Variants in SH3RF3 observed in about 807,000 individuals in gnomAD.
The protein encoded by SH3RF3 is E3 ubiquitin-protein ligase SH3RF3.
A neutral mutation model predicts 66.3 loss-of-function variants in SH3RF3; 29 were observed. That is an observed-to-expected ratio of 0.44 (90% CI 0.33 to 0.60). The LOEUF is 0.60. Ranked by LOEUF, SH3RF3 falls within the 20% of genes least tolerant of loss-of-function variation. The pLI, the probability that SH3RF3 is intolerant of heterozygous loss-of-function variation, is 0.04. For missense variants in SH3RF3, 1,194 were observed against 1,190.9 expected (o/e 1.00, Z -0.04); for synonymous variants, 583 against 532.0 (o/e 1.10, Z -1.32).
intron 3 of SH3RF3, among the ~76,000 whole-genome samples, chr2:109,379,660 C>T (rs1368344168): frequency 2.0e-5 from 3 of 152,262 alleles, no homozygotes; most frequent in Admixed American, 6.5e-5. Context: ...AAGCTCCTGC[C>T]GCAGCGACAG....
At chr2:109,265,770 A>G (rs1680475037) in intron 1 of SH3RF3, among the ~76,000 whole-genome samples, 1 of 152,198 alleles carries the variant, frequency 6.6e-6, no homozygotes, top group Non-Finnish European at 1.5e-5. Context: ...AAAAAAAGAG[A>G]TTGGCACATA....
At chr2:109,264,504 C>G (rs544582647) in intron 1 of SH3RF3, among the ~76,000 whole-genome samples, 1 of 152,224 alleles carries the variant, frequency 6.6e-6, no homozygotes, top group East Asian at 1.9e-4. Context: ...TAGAGGTGCT[C>G]GATAGATAGA....
intron 2 of SH3RF3, among the ~76,000 whole-genome samples, chr2:109,364,679 C>T (rs943049570): frequency 2.6e-5 from 4 of 152,186 alleles, no homozygotes; most frequent in African/African-American, 7.2e-5. Flanking sequence ...GTGCCCCTGG[C>T]CTGTGAACTT....
At chr2:109,412,423 G>T (rs2104492039) in intron 4 of SH3RF3, among the ~76,000 whole-genome samples, 1 of 152,352 alleles carries the variant, frequency 6.6e-6, no homozygotes. Context: ...GGACAGCTTG[G>T]CTGTTTCTGG....
Position 109,170,242 on chromosome 2 carries a change from CTTT to C in SH3RF3, c.573+40131_573+40133del, listed in dbSNP as rs1558938105. Among the ~76,000 whole-genome samples, 4 of 9,788 alleles carry C rather than the reference CTTT, an allele frequency of 4.1e-4. No individual in the cohort carries two copies. The East Asian group carries it at 0.01, about 25-fold the overall frequency. 6.4% of individuals were successfully genotyped at this position (9,788 alleles called of 152,430 possible). On this transcript the variant is annotated intron_variant, in intron 1 of 9. Transcript: ENST00000309415. Reference sequence around the variant, plus strand: ...TTTTTCTCTTCTCTTCTCTTCTTTTCTTTTCTCTTCTCTTCTCTTCTCTTCTCT... The same window carrying C: ...TTTTTCTCTTCTCTTCTCTTCTTTTCTCTCTTCTCTTCTCTTCTCTTCTCT...
At chr2:109,356,561 C>T (rs2105604185) in intron 2 of SH3RF3, among the ~76,000 whole-genome samples, 1 of 152,362 alleles carries the variant, frequency 6.6e-6, no homozygotes, top group South Asian at 2.1e-4. Flanking sequence ...GCCCCCTCCT[C>T]CTCCTTGGGA....
intron 9 of SH3RF3, among the ~76,000 whole-genome samples, chr2:109,500,138 G>A (rs1415883009): frequency 6.6e-6 from 1 of 152,198 alleles, no homozygotes; most frequent in African/African-American, 2.4e-5. Context: ...AGGTTTCTCA[G>A]GCAGGCACTT....
chr2:109,204,552 A>C (rs1678762020), intron 1 of SH3RF3, among the ~76,000 whole-genome samples: 1 of 152,168 alleles, frequency 6.6e-6, no homozygotes, highest in Non-Finnish European at 1.5e-5. Flanking sequence ...TACAATGTAC[A>C]CATAAATGGG....
chr2:109,221,581 C>CAAAA (rs60310731), intron 1 of SH3RF3, among the ~76,000 whole-genome samples: 6 of 63,326 alleles, frequency 9.5e-5, no homozygotes, highest in Non-Finnish European at 2.0e-4. Flanking sequence ...GACTCCATCT[C>CAAAA]AAAAAAAAAA....
intron 1 of SH3RF3, among the ~76,000 whole-genome samples, chr2:109,240,912 G>A (rs1464194861): frequency 8.3e-6 from 1 of 120,996 alleles, no homozygotes; most frequent in Non-Finnish European, 1.6e-5. Context: ...CTTGCTCCCC[G>A]CTTCTTTTCT....
At chr2:109,268,463 G>A (rs1449555645) in intron 1 of SH3RF3, among the ~76,000 whole-genome samples, 2 of 152,148 alleles carry the variant, frequency 1.3e-5, no homozygotes, top group Admixed American at 6.5e-5. Flanking sequence ...GAGTGTGGCT[G>A]CAGCAGCTCC....
intron 1 of SH3RF3, among the ~76,000 whole-genome samples, chr2:109,328,987 G>T (rs1682223198): frequency 6.6e-6 from 1 of 152,022 alleles, no homozygotes; most frequent in South Asian, 2.1e-4. Flanking sequence ...CGTCCTGGTG[G>T]CTGCTCTGTG....
intron 5 of SH3RF3, among the ~76,000 whole-genome samples, chr2:109,425,266 C>G (rs1437336317): frequency 6.6e-6 from 1 of 152,228 alleles, no homozygotes; most frequent in Non-Finnish European, 1.5e-5. Flanking sequence ...GAAGCCATCT[C>G]TGCAACATAA....
At chr2:109,160,198 AG>A (rs1558932659) in intron 1 of SH3RF3, among the ~76,000 whole-genome samples, 2 of 152,242 alleles carry the variant, frequency 1.3e-5, no homozygotes, top group East Asian at 3.9e-4. Context: ...CAGGAAGCTG[AG>A]GGTCTTGTGG....
chr2:109,270,885 C>T (rs569218808), intron 1 of SH3RF3, among the ~76,000 whole-genome samples: 9 of 152,292 alleles, frequency 5.9e-5, no homozygotes, highest in East Asian at 5.8e-4. Flanking sequence ...GAGCCTGTAC[C>T]GACACTGCCT....
At chr2:109,422,551 G>A (rs951219615) in intron 5 of SH3RF3, among the ~76,000 whole-genome samples, 17 of 152,284 alleles carry the variant, frequency 1.1e-4, no homozygotes, top group Admixed American at 7.8e-4. Context: ...GCATGGAGGC[G>A]ACTGTGAGTC....
intron 1 of SH3RF3, among the ~76,000 whole-genome samples, chr2:109,344,695 G>A (rs1404365158): frequency 6.6e-6 from 1 of 152,194 alleles, no homozygotes; most frequent in Non-Finnish European, 1.5e-5. Context: ...ACAGCCCTCT[G>A]GGTGAAAGCT....
At chr2:109,443,740 A>AAATACATAAGC (rs536348882) in intron 7 of SH3RF3, among the ~76,000 whole-genome samples, 1 of 152,228 alleles carries the variant, frequency 6.6e-6, no homozygotes, top group Non-Finnish European at 1.5e-5. Flanking sequence ...CAGAACTTCA[A>AAATACATAAGC]AATACATAAG....
chr2:109,372,487 G>A (rs190541440), intron 3 of SH3RF3, among the ~76,000 whole-genome samples: 32 of 152,326 alleles, frequency 2.1e-4, no homozygotes, highest in African/African-American at 7.5e-4. Flanking sequence ...TGCTTACTGA[G>A]TGCTTGTTGT....
Sources: gnomAD v4.1 joint callset for allele counts (sites outside exome capture counted in the v4.1 genomes callset) on GRCh38, gnomAD v4.1.1 for gene constraint, MANE v1.5 for transcripts, NCBI Gene and HGNC (gene_info 2026-07-23, HGNC 2026-07-21) for gene names.